The following TPTE2 variants were observed in gnomAD, a reference collection of about 807,000 sequenced individuals.
TPTE2 encodes the protein phosphatidylinositol 3,4,5-trisphosphate 3-phosphatase TPTE2.
TPTE2 carries 53 observed loss-of-function variants against 78.6 expected under a neutral mutation model. The ratio of observed to expected loss-of-function variants is 0.67; its 90% confidence interval spans 0.54 to 0.85. The LOEUF is 0.85. TPTE2 is among the 40% of genes least tolerant of loss of function. TPTE2 has a pLI of 0.00. For synonymous variants in TPTE2, 175 were observed against 206.2 expected, an observed-to-expected ratio of 0.85 and a Z score of 1.30; for missense variants, 461 against 623.0, an observed-to-expected ratio of 0.74 and a Z score of 2.77.
intron 1 of TPTE2, among the ~76,000 whole-genome samples, chr13:19,531,876 A>G (rs1282196832): frequency 6.6e-6 from 1 of 152,140 alleles, no homozygotes; most frequent in Non-Finnish European, 1.5e-5. Flanking sequence ...GCAGTGAGCC[A>G]AGATCGCGCC....
Position 19,514,590 on chromosome 13 carries a change from A to AGTGTGTGTGTGT in TPTE2, c.-43-11314_-43-11313insACACACACACAC, listed in dbSNP as rs1282304990. Among the ~76,000 whole-genome samples the AGTGTGTGTGTGT allele has an allele frequency of 5.9e-4, 11 of 18,706 alleles. No individual in the cohort carries two copies. The East Asian group carries it at 0.038, about 65-fold the overall frequency. The allele number at this position is 18,706 out of a possible 152,430, so 12.3% of individuals were successfully genotyped here. A position where few individuals can be genotyped will look rare whatever the true frequency, so the allele number is the denominator to read the frequency against. Reference sequence around the variant, plus strand: ...TCAGGATACAGCACCAGTACTTCTGAGAGTGTGTGTGTGTGTGTGTGTGTG... The same window carrying AGTGTGTGTGTGT: ...TCAGGATACAGCACCAGTACTTCTGAGTGTGTGTGTGTGAGTGTGTGTGTGTGTGTGTGTGTG... On this transcript the variant is annotated intron_variant, in intron 1 of 17. Coordinates refer to the TPTE2 transcript ENST00000390680.
intron 1 of TPTE2, 45 bp downstream of exon 4, chr13:19,503,179 T>C: frequency 6.2e-7 from 1 of 1,612,718 alleles, no homozygotes; most frequent in South Asian, 1.1e-5. Flanking sequence ...ACTTCTATGC[T>C]CAGTTATAAT....
At chr13:19,490,769 G>A (rs549212828) in intron 3 of TPTE2, among the ~76,000 whole-genome samples, 6 of 152,312 alleles carry the variant, frequency 3.9e-5, no homozygotes, top group South Asian at 4.1e-4. Context: ...GGTAACAGAC[G>A]AAGAGACCAG....
In TPTE2 at chr13:19,493,506, C is replaced by G. The variant is rs534615281; in HGVS notation, c.12-5G>C. 1 of 1,612,898 alleles carries G rather than the reference C, an allele frequency of 6.2e-7. No homozygotes were observed. Among genetic ancestry groups the G allele is most frequent in the Non-Finnish European group, 8.5e-7 (1 of 1,179,562 alleles). On this transcript the variant is annotated splice_region_variant and splice_polypyrimidine_tract_variant and intron_variant, in intron 1 of 19. Coordinates refer to ENST00000400230, the Ensembl canonical transcript of TPTE2. ...TTAAATTCGTTTGTCTGTGGACTAG[C>G]GGATGATAAGAGAATACAGTCAGAG... is the stretch of plus-strand genomic sequence containing the variant.
chr13:19,432,306 C>A (rs1876706920), intron 16 of TPTE2, among the ~76,000 whole-genome samples, 167 bp downstream of exon 19: 1 of 28,332 alleles, frequency 3.5e-5, no homozygotes, highest in African/African-American at 6.6e-5. Flanking sequence ...AATCAATGGG[C>A]AATTGCAGGA....
At position 19,482,390 on chromosome 13, in the gene TPTE2, GTT is replaced by G. The variant is rs2137612813; in HGVS notation, c.179+96_179+97del. On this transcript the variant is annotated intron_variant, in intron 4 of 19. Coordinates refer to ENST00000400230, the Ensembl canonical transcript of TPTE2. ...CCATACATTTTGATATCTTTCCATAGTTTCCCTTTTTCCTTCTTGCCTTAGCG... is the reference window on the plus strand; with the variant it reads ...CCATACATTTTGATATCTTTCCATAGTCCCTTTTTCCTTCTTGCCTTAGCG... 3 of 1,386,096 alleles carry G rather than the reference GTT, an allele frequency of 2.2e-6. No individual in the cohort carries two copies. In the East Asian group the frequency reaches 7.4e-5, roughly 34 times the overall value. The allele number at this position is 1,386,096 out of a possible 1,614,324, so 85.9% of individuals were successfully genotyped here.
the TPTE2 span, among the ~76,000 whole-genome samples, chr13:19,547,282 T>G: frequency 6.6e-6 from 1 of 151,990 alleles, no homozygotes; most frequent in African/African-American, 2.4e-5. Flanking sequence ...CATAGAGAAA[T>G]CCTATCCCTA....
intron 3 of TPTE2, among the ~76,000 whole-genome samples, chr13:19,482,954 T>C (rs1464863884): frequency 6.6e-6 from 1 of 152,208 alleles, no homozygotes; most frequent in Admixed American, 6.5e-5. Flanking sequence ...ACAAATGTTT[T>C]GGTTCCCCTG....
chr13:19,482,643 A>G (rs1777695619), intron 3 of TPTE2, 96 bp from the exon 7 acceptor site: 1 of 1,475,348 alleles, frequency 6.8e-7, no homozygotes, highest in Non-Finnish European at 9.2e-7. Flanking sequence ...GAATCCCATG[A>G]ATCTAAAGGA....
At chr13:19,550,964 G>T in the TPTE2 span, among the ~76,000 whole-genome samples, 1 of 151,930 alleles carries the variant, frequency 6.6e-6, no homozygotes, top group South Asian at 2.1e-4. Context: ...GCCTAATACT[G>T]GGTTTTCAAA....
upstream of TPTE2, chr13:19,536,812 G>C (rs928538587): frequency 6.6e-6 from 1 of 151,570 alleles, no homozygotes; most frequent in African/African-American, 2.4e-5. Context: ...TTTTGGGGGG[G>C]TATGTTCTCC....
chr13:19,457,003 C>T (rs943986889), intron 10 of TPTE2, among the ~76,000 whole-genome samples: 6 of 152,020 alleles, frequency 3.9e-5, no homozygotes, highest in Middle Eastern at 3.2e-3. Flanking sequence ...GACAAAAAGC[C>T]CAGAAACAGA....
At chr13:19,480,472 A>G (rs970776794) in intron 4 of TPTE2, among the ~76,000 whole-genome samples, 2 of 152,212 alleles carry the variant, frequency 1.3e-5, no homozygotes, top group Admixed American at 6.5e-5. Context: ...ATCTTGGGGT[A>G]AGAAGGACTT....
chr13:19,458,667 A>AC (rs1274315468), intron 10 of TPTE2: 6 of 496,800 alleles, frequency 1.2e-5, no homozygotes, highest in African/African-American at 1.2e-4. Context: ...ACGGTGTGGC[A>AC]CTGGGCACAC....
intron 13 of TPTE2, among the ~76,000 whole-genome samples, chr13:19,442,846 G>C (rs890655292): frequency 2.0e-5 from 3 of 152,194 alleles, no homozygotes; most frequent in Middle Eastern, 3.4e-3. Context: ...ACCAAAATGG[G>C]CAAAAGAAAT....
At chr13:19,496,367 C>A (rs1225192412) in intron 1 of TPTE2, among the ~76,000 whole-genome samples, 2 of 152,196 alleles carry the variant, frequency 1.3e-5, no homozygotes, top group African/African-American at 4.8e-5. Flanking sequence ...TGCACGACAG[C>A]CTTTTGTGGG....
At chr13:19,538,898 C>G (rs1312979229), upstream of TPTE2, among the ~76,000 whole-genome samples, 1 of 152,088 alleles carries the variant, frequency 6.6e-6, no homozygotes, top group Non-Finnish European at 1.5e-5. Flanking sequence ...TGGTATGAAG[C>G]AGAGAATTTA....
intron 1 of TPTE2, among the ~76,000 whole-genome samples, chr13:19,520,656 CCTT>C (rs1870094924): frequency 2.0e-5 from 3 of 151,560 alleles, no homozygotes; most frequent in South Asian, 4.2e-4. Context: ...TTCAGTTTGC[CCTT>C]CTTCTAGTTT....
chr13:19,497,125 C>A lies in TPTE2; in HGVS notation c.12-3624G>T, dbSNP rs1370433811. ...AAAACGGTGCACCGCGAGATTATATCCCGCACCTGTCTTGGAGGGTCCTAC... is the reference window on the plus strand; with the variant it reads ...AAAACGGTGCACCGCGAGATTATATACCGCACCTGTCTTGGAGGGTCCTAC... On this transcript the variant is annotated intron_variant, in intron 1 of 19. Transcript: ENST00000400230. Among the ~76,000 whole-genome samples the A allele has an allele frequency of 5.3e-5, 8 of 151,998 alleles. No individual in the cohort carries two copies. In the East Asian group the frequency reaches 1.6e-3, roughly 30 times the overall value.
Sources: gnomAD v4.1 joint callset for allele counts (sites outside exome capture counted in the v4.1 genomes callset) on GRCh38, gnomAD v4.1.1 for gene constraint, MANE v1.5 for transcripts, NCBI Gene and HGNC (gene_info 2026-07-23, HGNC 2026-07-21) for gene names.